POLR1D: variants seen among roughly 807,000 people sequenced by gnomAD.
The protein encoded by POLR1D is RNA polymerase I and III subunit D.
POLR1D carries 8 observed loss-of-function variants against 10.8 expected under a neutral mutation model. The ratio of observed to expected loss-of-function variants is 0.74; its 90% CI spans 0.43 to 1.33. The LOEUF (loss-of-function observed/expected upper bound fraction) is 1.33. Among genes scored for constraint, POLR1D ranks in the 40% most tolerant of loss-of-function variants. The pLI is 0.01. For missense variants in POLR1D, 152 were observed against 161.7 expected (o/e 0.94, Z 0.32); for synonymous variants, 54 against 57.2 (o/e 0.94, Z 0.25).
Position 27,621,938 on chromosome 13 carries a change from C to T in POLR1D, c.-46C>T, listed in dbSNP as rs1454717951. On this transcript the variant is annotated 5_prime_UTR_variant, in exon 1 of 2. Transcript: ENST00000302979. ...CGCGCCTCGCGCTATGGGACAGAGC[C>T]CCCGATCCGCCAGCACCACCTGAGG... 2 of 1,571,520 alleles carry T rather than the reference C, an allele frequency of 1.3e-6. No homozygotes were observed. Among genetic ancestry groups the T allele is most frequent in the African/African-American group, 1.3e-5 (1 of 74,436 alleles).
chr13:27,655,729 G>C (rs1956302454), intron 2 of POLR1D, among the ~76,000 whole-genome samples: 1 of 152,086 alleles, frequency 6.6e-6, no homozygotes, highest in Non-Finnish European at 1.5e-5. Context: ...AATATTGCAT[G>C]CTCAATATAA....
At chr13:27,624,191 G>C (rs1410549685), downstream of POLR1D, among the ~76,000 whole-genome samples, 1 of 152,166 alleles carries the variant, frequency 6.6e-6, no homozygotes, top group African/African-American at 2.4e-5. Context: ...AAGCTTATGT[G>C]TCAGGCCTCT....
chr13:27,622,196 G>A (rs1955945189), intron 1 of POLR1D, 187 bp downstream of exon 1: 1 of 627,208 alleles, frequency 1.6e-6, no homozygotes, highest in Non-Finnish European at 2.9e-6. Flanking sequence ...TAGCTATCAA[G>A]GAGGGAAGAC....
intron 2 of POLR1D, chr13:27,650,334 G>A (rs186440583): frequency 6.0e-6 from 2 of 335,886 alleles, no homozygotes; most frequent in East Asian, 8.6e-5. Context: ...GAGCCTCAGT[G>A]TTCAAAGTTT....
intron 1 of POLR1D, among the ~76,000 whole-genome samples, chr13:27,643,809 T>C (rs1036645594): frequency 2.6e-5 from 4 of 152,216 alleles, no homozygotes; most frequent in African/African-American, 4.8e-5. Context: ...GCCTTTTAGA[T>C]AACTTCCCAG....
intron 2 of POLR1D, among the ~76,000 whole-genome samples, chr13:27,664,148 G>T (rs144784771): frequency 2.6e-5 from 4 of 152,148 alleles, no homozygotes; most frequent in Non-Finnish European, 5.9e-5. Context: ...CTCTCATCAC[G>T]TGCCTGTCTT....
intron 1 of POLR1D, among the ~76,000 whole-genome samples, chr13:27,633,022 A>G (rs1047924446): frequency 4.6e-5 from 7 of 152,104 alleles, no homozygotes; most frequent in East Asian, 1.9e-4. Flanking sequence ...TGTGTCTTCA[A>G]CTCCATAGTT....
chr13:27,632,470 C>T (rs1956083651), intron 1 of POLR1D, among the ~76,000 whole-genome samples: 1 of 152,108 alleles, frequency 6.6e-6, no homozygotes, highest in Non-Finnish European at 1.5e-5. Flanking sequence ...GTTTTTCCAG[C>T]AGCTATTTAA....
At chr13:27,634,406 G>A (rs1956102676) in intron 1 of POLR1D, among the ~76,000 whole-genome samples, 2 of 152,156 alleles carry the variant, frequency 1.3e-5, no homozygotes. Context: ...TGAAAGATCA[G>A]AACAAGCCAG....
chr13:27,628,230 G>C (rs1485543574), downstream of POLR1D, among the ~76,000 whole-genome samples: 1 of 152,184 alleles, frequency 6.6e-6, no homozygotes, highest in Non-Finnish European at 1.5e-5. Flanking sequence ...GGCTCTTACG[G>C]TCTGCACTCA....
chr13:27,643,142 C>T (rs896859399), intron 1 of POLR1D, among the ~76,000 whole-genome samples: 8 of 152,074 alleles, frequency 5.3e-5, no homozygotes, highest in African/African-American at 1.9e-4. Flanking sequence ...ATATGCAGGC[C>T]CTAATAGCCT....
At chr13:27,635,859 G>A (rs958222002) in intron 1 of POLR1D, among the ~76,000 whole-genome samples, 7 of 151,772 alleles carry the variant, frequency 4.6e-5, no homozygotes, top group Admixed American at 2.6e-4. Context: ...TAGTAGGTGC[G>A]GAACTGGGAC....
At chr13:27,633,147 A>G (rs1956090262) in intron 1 of POLR1D, among the ~76,000 whole-genome samples, 1 of 152,156 alleles carries the variant, frequency 6.6e-6, no homozygotes, top group South Asian at 2.1e-4. Flanking sequence ...GGAGTAGCCT[A>G]TGCAGTAGGA....
chr13:27,656,104 C>A (rs999401421), intron 2 of POLR1D, among the ~76,000 whole-genome samples: 1 of 152,088 alleles, frequency 6.6e-6, no homozygotes, highest in Non-Finnish European at 1.5e-5. Flanking sequence ...AAGGTAGAAA[C>A]CTCCCTCAGC....
chr13:27,665,989 C>G, exon 3 of POLR1D: 1 of 1,605,440 alleles, frequency 6.2e-7, no homozygotes. Flanking sequence ...TGCGGGCCTC[C>G]GTGCTCCTTC....
chr13:27,648,799 T>C (rs748164346), intron 2 of POLR1D, among the ~76,000 whole-genome samples: 5 of 152,258 alleles, frequency 3.3e-5, no homozygotes, highest in African/African-American at 4.8e-5. Flanking sequence ...AGTTTACTTA[T>C]AGTCCTTAGT....
At chr13:27,630,607 T>C (rs1054136633) in intron 1 of POLR1D, among the ~76,000 whole-genome samples, 7 of 152,212 alleles carry the variant, frequency 4.6e-5, no homozygotes, top group Admixed American at 3.3e-4. Context: ...GCAAGTGATG[T>C]AACCTTTCTG....
At chr13:27,656,459 C>T (rs1341929650) in intron 2 of POLR1D, among the ~76,000 whole-genome samples, 1 of 152,192 alleles carries the variant, frequency 6.6e-6, no homozygotes, top group African/African-American at 2.4e-5. Flanking sequence ...TATTTTGACA[C>T]TCATGTATCT....
downstream of POLR1D, among the ~76,000 whole-genome samples, chr13:27,628,388 A>G (rs959440232): frequency 2.0e-5 from 3 of 152,254 alleles, no homozygotes; most frequent in African/African-American, 7.2e-5. Flanking sequence ...GCAGAGTTAG[A>G]CAATAAAGAA....
Sources: gnomAD v4.1 joint callset for allele counts (sites outside exome capture counted in the v4.1 genomes callset) on GRCh38, gnomAD v4.1.1 for gene constraint, MANE v1.5 for transcripts, NCBI Gene and HGNC (gene_info 2026-07-23, HGNC 2026-07-21) for gene names.